Variants in RAG1 observed in about 807,000 individuals in gnomAD.
RAG1 encodes the protein V(D)J recombination-activating protein 1.
RAG1 carries 35 observed loss-of-function variants against 62.7 expected under a neutral mutation model. The ratio of observed to expected loss-of-function variants is 0.56; its 90% CI spans 0.43 to 0.74. The LOEUF (loss-of-function observed/expected upper bound fraction) is 0.74. RAG1 is among the 30% of genes least tolerant of loss of function. The pLI is 0.00. For synonymous variants in RAG1, 461 were observed against 470.3 expected, an observed-to-expected ratio of 0.98 and a Z score of 0.26; for missense variants, 1,169 against 1,278.6, an observed-to-expected ratio of 0.91 and a Z score of 1.31.
Position 36,575,940 on chromosome 11 carries a change from A to T in RAG1, c.2636A>T (p.His879Leu), listed in dbSNP as rs1438768762. ...VCELIPSEER[H>L]EALRELMDLY... ...GAGTTAATTCCTTCCGAGGAGAGGC[A>T]CGAGGCTCTGAGGGAGCTGATGGAT... is the stretch of plus-strand genomic sequence containing the variant. The change falls in exon 2 of 2, where the codon CAC (histidine) becomes CTC (leucine). Residue 879 changes from histidine to leucine, a missense_variant. Coordinates refer to ENST00000299440, the MANE Select transcript of RAG1 (RefSeq NM_000448.3). The surrounding 1 kb of genome is among the most constrained non-coding windows in gnomAD (Gnocchi z 4.1). 3 of 1,614,080 alleles carry T rather than the reference A, an allele frequency of 1.9e-6. No homozygotes were observed. Among genetic ancestry groups the T allele is most frequent in the Non-Finnish European group, 2.5e-6 (3 of 1,180,038 alleles).
At chr11:36,535,769 T>TA (rs1226199588) in intron 2 of RAG1, among the ~76,000 whole-genome samples, 4 of 151,854 alleles carry the variant, frequency 2.6e-5, no homozygotes, top group African/African-American at 9.7e-5. Flanking sequence ...ATAAATAAAA[T>TA]AAATAAATAG....
intron 1 of RAG1, among the ~76,000 whole-genome samples, chr11:36,518,373 G>A (rs1304450598): frequency 6.6e-6 from 1 of 152,162 alleles, no homozygotes; most frequent in Non-Finnish European, 1.5e-5. Context: ...GGATGGATGG[G>A]TCAAATGATA....
intron 1 of RAG1, among the ~76,000 whole-genome samples, chr11:36,514,722 C>G (rs1005821029): frequency 6.6e-6 from 1 of 152,150 alleles, no homozygotes; most frequent in African/African-American, 2.4e-5. Context: ...GGTTTGTGCT[C>G]TTGTGAGAAT....
upstream of RAG1, among the ~76,000 whole-genome samples, chr11:36,563,764 T>C (rs1035657118): frequency 6.6e-6 from 1 of 152,176 alleles, no homozygotes; most frequent in African/African-American, 2.4e-5. Context: ...ACTAACCCTT[T>C]CTTATCCTCA....
In RAG1 at chr11:36,574,612, C is replaced by T; in HGVS notation, c.1308C>T (p.Thr436=). 1.9e-6 allele frequency: 3 copies of T among 1,614,246 alleles called. No homozygotes were observed. Among genetic ancestry groups the T allele is most frequent in the Non-Finnish European group, 2.5e-6 (3 of 1,180,048 alleles). Residue 436 remains threonine, a synonymous_variant, in exon 2 of 2, where the codon ACC becomes ACT. Transcript: ENST00000299440. ...EGGDVKSVCM[T]LFLLALRARN... is the part of the protein sequence containing the mutation. ...GAGATGTGAAGTCCGTGTGCATGAC[C>T]TTGTTCCTGCTGGCTCTGAGGGCGA...
chr11:36,551,582 C>T (rs1360616779), intron 3 of RAG1, among the ~76,000 whole-genome samples: 2 of 147,430 alleles, frequency 1.4e-5, no homozygotes, highest in Admixed American at 1.4e-4. Context: ...CTAATGACCT[C>T]ATTTTAACTT....
chr11:36,551,431 T>C (rs934149321), intron 3 of RAG1, among the ~76,000 whole-genome samples: 1 of 151,940 alleles, frequency 6.6e-6, no homozygotes, highest in Non-Finnish European at 1.5e-5. Flanking sequence ...AAGGTGTTAG[T>C]GGAATTGGTT....
intron 3 of RAG1, among the ~76,000 whole-genome samples, chr11:36,558,344 C>A (rs1451764783): frequency 6.6e-6 from 1 of 152,164 alleles, no homozygotes; most frequent in African/African-American, 2.4e-5. Context: ...TTTTGATAAT[C>A]TGTTAAATGC....
In RAG1 at chr11:36,518,289, T is replaced by C. The variant is rs1590659895; in HGVS notation, n.331-1843T>C. ...AAGTCTTTGCTATTGTGAATAGTGC[T>C]GCAATAAACATATGTGTGCATGTGT... On this transcript the variant is annotated intron_variant and non_coding_transcript_variant, in intron 1 of 2. Transcript: ENST00000529126. 4.6e-5 allele frequency among the ~76,000 whole-genome samples: 7 copies of C among 152,282 alleles called. No homozygotes were observed. In the South Asian group the frequency reaches 1.2e-3, roughly 27 times the overall value.
At chr11:36,514,535 A>G (rs1425049707) in intron 1 of RAG1, among the ~76,000 whole-genome samples, 1 of 152,208 alleles carries the variant, frequency 6.6e-6, no homozygotes, top group East Asian at 1.9e-4. Context: ...ATTGCACTAT[A>G]TAATGAAATA....
At chr11:36,563,773 CA>C (rs1183811246), upstream of RAG1, among the ~76,000 whole-genome samples, 1 of 152,106 alleles carries the variant, frequency 6.6e-6, no homozygotes, top group Non-Finnish European at 1.5e-5. Flanking sequence ...TTCTTATCCT[CA>C]AAAAAATATT....
chr11:36,531,474 T>C (rs1001903675), intron 2 of RAG1, among the ~76,000 whole-genome samples: 1 of 151,938 alleles, frequency 6.6e-6, no homozygotes, highest in Non-Finnish European at 1.5e-5. Context: ...GTATGTCTTT[T>C]TGTATAGATT....
chr11:36,515,372 C>T (rs1416052530), intron 1 of RAG1: 1 of 151,932 alleles, frequency 6.6e-6, no homozygotes, highest in African/African-American at 2.4e-5. Flanking sequence ...ATCAAAATCT[C>T]CCCCTGGTTG....
At chr11:36,541,501 G>A (rs1860417215) in intron 3 of RAG1, among the ~76,000 whole-genome samples, 1 of 152,090 alleles carries the variant, frequency 6.6e-6, no homozygotes, top group South Asian at 2.1e-4. Flanking sequence ...GTTTAGTGCT[G>A]GTAGGCCTTT....
chr11:36,517,078 G>T (rs974642312), intron 1 of RAG1, among the ~76,000 whole-genome samples: 4 of 152,288 alleles, frequency 2.6e-5, no homozygotes, highest in Non-Finnish European at 5.9e-5. Flanking sequence ...AGGAGGAAGT[G>T]TCCCAAACTG....
chr11:36,549,439 C>T (rs944087795), intron 3 of RAG1, among the ~76,000 whole-genome samples: 1 of 152,196 alleles, frequency 6.6e-6, no homozygotes, highest in Non-Finnish European at 1.5e-5. Context: ...AAAATACAAA[C>T]AACCCTATCA....
At position 36,578,498 on chromosome 11, in the gene RAG1, G is replaced by A. The variant is rs1057005842; in HGVS notation, c.*2062G>A. The A allele has an allele frequency of 1.8e-5, 3 of 166,744 alleles. No individual in the cohort carries two copies. The highest frequency in any genetic ancestry group is 7.2e-5 in the African/African-American group (3 of 41,410). The allele number at this position is 166,744 out of a possible 1,614,324, so 10.3% of individuals were successfully genotyped here. A position where few individuals can be genotyped will look rare whatever the true frequency, so the allele number is the denominator to read the frequency against. The stretch of plus-strand genomic sequence containing the variant: ...TCACATAATCATCCTATTTACTGAA[G>A]CATGGTCATGCTGGTTTATAGATTT... On this transcript the variant is annotated 3_prime_UTR_variant, in exon 2 of 2. Coordinates refer to ENST00000299440, the MANE Select transcript of RAG1 (RefSeq NM_000448.3).
At chr11:36,514,251 GCTGGAAC>G (rs1214378857) in intron 1 of RAG1, among the ~76,000 whole-genome samples, 2 of 152,134 alleles carry the variant, frequency 1.3e-5, no homozygotes, top group Non-Finnish European at 2.9e-5. Context: ...GAGACCCTAA[GCTGGAAC>G]CTACAAAAAC....
At chr11:36,559,276 T>C (rs1850548423) in intron 3 of RAG1, among the ~76,000 whole-genome samples, 1 of 152,228 alleles carries the variant, frequency 6.6e-6, no homozygotes, top group Non-Finnish European at 1.5e-5. Flanking sequence ...TTTACACTTC[T>C]CTCTTGCTGT....
Sources: allele counts gnomAD v4.1 joint callset (sites outside exome capture counted in the v4.1 genomes callset), GRCh38; gene constraint gnomAD v4.1.1; non-coding constraint Gnocchi (gnomAD v3.1); transcripts MANE v1.5; gene names NCBI Gene and HGNC (gene_info 2026-07-23, HGNC 2026-07-21).